The following FGD4 variants were observed in gnomAD, a reference collection of about 807,000 sequenced individuals.
FGD4 encodes the protein FYVE, RhoGEF and PH domain-containing protein 4.
In FGD4, 42 loss-of-function variants were observed where a neutral mutation model predicts 102.0. The ratio of observed to expected loss-of-function variants is 0.41; its 90% CI spans 0.32 to 0.53. The LOEUF is 0.53. Ranked by LOEUF, FGD4 falls within the 20% of genes least tolerant of loss-of-function variation. The probability of loss-of-function intolerance (pLI) is 0.21; values close to 1 mark genes in which losing one functional copy is unlikely to be tolerated. For synonymous variants in FGD4, 380 were observed against 375.7 expected (o/e 1.01, Z -0.13); for missense variants, 902 against 1,078.2 (o/e 0.84, Z 2.29).
At chr12:32,585,137 C>A (rs1165639294) in intron 4 of FGD4, among the ~76,000 whole-genome samples, 1 of 150,554 alleles carries the variant, frequency 6.6e-6, no homozygotes, top group Non-Finnish European at 1.5e-5. Flanking sequence ...ATCGCTTGAG[C>A]CTGGGAGGCA....
chr12:32,416,098 T>C (rs1271475643), intron 1 of FGD4, among the ~76,000 whole-genome samples: 2 of 152,146 alleles, frequency 1.3e-5, no homozygotes, highest in East Asian at 3.9e-4. Context: ...TGGGCTCAAG[T>C]GATCCTTTTC....
intron 15 of FGD4, 52 bp downstream of exon 15, chr12:32,633,741 A>G (rs1592489597): frequency 1.3e-6 from 2 of 1,499,822 alleles, no homozygotes; most frequent in South Asian, 1.2e-5. Context: ...TTCCCAACGG[A>G]CTCTCGCTCT....
At position 32,541,582 on chromosome 12, in the gene FGD4, T is replaced by C. The variant is rs143385110; in HGVS notation, c.167-22555T>C. Among the ~76,000 whole-genome samples, 867 of 152,258 alleles carry C rather than the reference T, an allele frequency of 5.7e-3. 7 individuals carry two copies. The highest frequency in any genetic ancestry group is 0.019 in the African/African-American group (799 of 41,550). ...GGTTTCACCACGTTGGCCAGGCTGGTGTCAATCTCCTGACCTGGTGATCCG... is the reference window on the plus strand; with the variant it reads ...GGTTTCACCACGTTGGCCAGGCTGGCGTCAATCTCCTGACCTGGTGATCCG... On this transcript the variant is annotated intron_variant, in intron 1 of 16. Transcript: ENST00000534526.
intron 2 of FGD4, among the ~76,000 whole-genome samples, chr12:32,567,521 A>T (rs751268541): frequency 6.6e-6 from 1 of 152,102 alleles, no homozygotes; most frequent in Non-Finnish European, 1.5e-5. Context: ...CTGTTGCTCT[A>T]CATCCTGCAA....
intron 1 of FGD4, among the ~76,000 whole-genome samples, chr12:32,533,547 TC>T (rs1941988029): frequency 6.6e-6 from 1 of 152,148 alleles, no homozygotes; most frequent in Non-Finnish European, 1.5e-5. Context: ...TGCCTCAGCC[TC>T]CTGAGTAGCT....
intron 1 of FGD4, among the ~76,000 whole-genome samples, chr12:32,458,313 A>G (rs896288697): frequency 1.3e-5 from 2 of 151,682 alleles, no homozygotes; most frequent in Non-Finnish European, 2.9e-5. Flanking sequence ...TGGGACTACA[A>G]GTGTACGCCA....
chr12:32,580,623 C>T (rs1463429871), intron 3 of FGD4, among the ~76,000 whole-genome samples: 2 of 152,216 alleles, frequency 1.3e-5, no homozygotes, highest in East Asian at 1.9e-4. Context: ...CGCGGTGGCT[C>T]ATGCCTATAA....
chr12:32,467,779 G>A (rs1591957878), intron 1 of FGD4, among the ~76,000 whole-genome samples: 1 of 152,236 alleles, frequency 6.6e-6, no homozygotes, highest in East Asian at 1.9e-4. Flanking sequence ...ACTTTGGGAG[G>A]CCAAGGCGGG....
Position 32,570,746 on chromosome 12 carries a change from ATTCT to A in FGD4, c.320-5519_320-5516del, listed in dbSNP as rs1209980538. On this transcript the variant is annotated intron_variant, in intron 2 of 16. Coordinates refer to ENST00000534526, the MANE Select transcript of FGD4 (RefSeq NM_001370298.3). ...ATGAGACATCGTGCCTCAGTTTTTT[ATTCT>A]GATTGTTATTCCTTTCTTCCTTATA... is the stretch of plus-strand genomic sequence containing the variant. Among the ~76,000 whole-genome samples, 19 of 152,174 alleles carry A rather than the reference ATTCT, an allele frequency of 1.2e-4. 1 individual carries two copies. The highest frequency in any genetic ancestry group is 3.9e-4 in the African/African-American group (16 of 41,538).
At chr12:32,541,396 C>A (rs1205510787) in intron 1 of FGD4, among the ~76,000 whole-genome samples, 2 of 152,150 alleles carry the variant, frequency 1.3e-5, no homozygotes, top group Non-Finnish European at 2.9e-5. Flanking sequence ...GAGACAGAGT[C>A]TCACTCTGTT....
At chr12:32,562,566 G>T (rs142710095) in intron 1 of FGD4, among the ~76,000 whole-genome samples, 14,232 of 151,956 alleles carry the variant, frequency 0.094, 1,043 homozygotes, top group African/African-American at 0.2. Context: ...GCGGCCTTCC[G>T]CAGTGTTTGT....
At chr12:32,494,520 T>G (rs1166281707) in intron 1 of FGD4, among the ~76,000 whole-genome samples, 3 of 152,222 alleles carry the variant, frequency 2.0e-5, no homozygotes, top group Non-Finnish European at 1.5e-5. Flanking sequence ...ATTTTAAAAG[T>G]GAATTGCTGT....
intron 4 of FGD4, among the ~76,000 whole-genome samples, chr12:32,596,625 G>T (rs4931026): frequency 0.42 from 63,730 of 151,268 alleles, 15,151 homozygotes; most frequent in African/African-American, 0.65. Context: ...CTCTTTAAGA[G>T]AAATAGTCCT....
At chr12:32,517,594 G>A (rs1484115968) in intron 1 of FGD4, among the ~76,000 whole-genome samples, 1 of 152,154 alleles carries the variant, frequency 6.6e-6, no homozygotes, top group East Asian at 1.9e-4. Flanking sequence ...ATGTGTAGGA[G>A]ATATGATTAG....
rs770560590 is a variant in FGD4 at position 32,422,288 on chromosome 12, C to CTTTTTTTTTTTTTTTTTTTT, written c.166+22338_166+22357dup. Among the ~76,000 whole-genome samples the CTTTTTTTTTTTTTTTTTTTT allele has an allele frequency of 8.7e-4, 47 of 54,174 alleles. 8 individuals are homozygous for CTTTTTTTTTTTTTTTTTTTT. Among genetic ancestry groups the CTTTTTTTTTTTTTTTTTTTT allele is most frequent in the Non-Finnish European group, 1.1e-3 (32 of 30,242 alleles). 35.5% of individuals were successfully genotyped at this position (54,174 alleles called of 152,430 possible). ...TTGAAGCATCTCAAATTGGGAGCTG[C>CTTTTTTTTTTTTTTTTTTTT]TTTTTTTTTTTTTTTTTTTTTTTTT... On this transcript the variant is annotated intron_variant, in intron 1 of 16. Transcript: ENST00000534526.
chr12:32,505,939 TA>T (rs1938686189), intron 1 of FGD4, among the ~76,000 whole-genome samples: 1 of 152,202 alleles, frequency 6.6e-6, no homozygotes, highest in South Asian at 2.1e-4. Context: ...AGATTCCTGT[TA>T]TACATCCCTA....
chr12:32,399,786 C>T lies in FGD4; in HGVS notation c.-8C>T, dbSNP rs1385446074. The T allele has an allele frequency of 3.9e-6, 6 of 1,529,584 alleles. 1 individual carries two copies. Among genetic ancestry groups the T allele is most frequent in the Admixed American group, 2.0e-5 (1 of 50,812 alleles). 94.8% of individuals were successfully genotyped at this position (1,529,584 alleles called of 1,614,324 possible). ...AGGAGTCGGGGAGCGGCGGTCGAGC[C>T]CGGCAGGATGAGCGACGAGGGCGGC... On this transcript the variant is annotated 5_prime_UTR_variant, in exon 1 of 17. Coordinates refer to ENST00000534526, the MANE Select transcript of FGD4 (RefSeq NM_001370298.3).
intron 1 of FGD4, among the ~76,000 whole-genome samples, chr12:32,442,561 C>CTTTTTTT (rs35994170): frequency 9.3e-6 from 1 of 107,124 alleles, no homozygotes; most frequent in Non-Finnish European, 1.8e-5. Flanking sequence ...ATCTTTCATC[C>CTTTTTTT]TTTTTTTTTT....
intron 1 of FGD4, among the ~76,000 whole-genome samples, chr12:32,445,851 C>T (rs1942596206): frequency 6.6e-6 from 1 of 151,892 alleles, no homozygotes. Flanking sequence ...TTTAAAATTC[C>T]TTCATTTGTA....
Sources: allele counts gnomAD v4.1 joint callset (sites outside exome capture counted in the v4.1 genomes callset), GRCh38; gene constraint gnomAD v4.1.1; transcripts MANE v1.5; gene names NCBI Gene and HGNC (gene_info 2026-07-23, HGNC 2026-07-21).